CANX: variants seen among roughly 807,000 people sequenced by gnomAD.
CANX encodes the protein calnexin, also known as epididymis secretory sperm binding protein.
A neutral mutation model predicts 75.7 loss-of-function variants in CANX; 14 were observed. That is an observed-to-expected ratio of 0.19 (90% confidence interval 0.12 to 0.29). CANX has a LOEUF of 0.29. Ranked by LOEUF, CANX falls within the 10% of genes least tolerant of loss-of-function variation. The pLI, the probability that CANX is intolerant of heterozygous loss-of-function variation, is 1.00. For synonymous variants in CANX, 227 were observed against 236.9 expected (o/e 0.96, Z 0.38); for missense variants, 567 against 713.2 (o/e 0.79, Z 2.34).
At chr5:179,713,384 G>A (rs1777712992) in intron 7 of CANX, among the ~76,000 whole-genome samples, 1 of 152,024 alleles carries the variant, frequency 6.6e-6, no homozygotes, top group African/African-American at 2.4e-5. Context: ...ACCTTTTTTT[G>A]TTATTTCCAA....
intron 6 of CANX, among the ~76,000 whole-genome samples, chr5:179,709,289 C>G (rs1373478543): frequency 1.3e-5 from 2 of 152,084 alleles, no homozygotes; most frequent in African/African-American, 4.8e-5. Flanking sequence ...TGGCAGGCGC[C>G]TGTAGTCCCA....
chr5:179,726,732 G>C lies in CANX; in HGVS notation c.1698G>C (p.Glu566Asp). 6.2e-7 allele frequency: 1 copy of C among 1,613,588 alleles called. No individual in the cohort carries two copies. Among genetic ancestry groups the C allele is most frequent in the South Asian group, 1.1e-5 (1 of 91,076 alleles). The change falls in exon 14 of 15, where the codon GAG becomes GAC. Residue 566 changes from glutamate to aspartate, a missense_variant. This residue lies in a region of CANX where 167 missense variants were observed against 179.3 expected (regional missense o/e 0.93). Coordinates refer to ENST00000247461, the MANE Select transcript of CANX (RefSeq NM_001746.4). ...AEEDGGTVSQ[E>D]EEDRKPKAEE... ...AAGATGGTGGCACTGTCAGTCAAGA[G>C]GAGGAAGACAGAAAACCTAAAGCAG...
chr5:179,717,965 C>T (rs112770840), intron 8 of CANX, among the ~76,000 whole-genome samples: 2,249 of 152,278 alleles, frequency 0.015, 77 homozygotes, highest in African/African-American at 0.052. Flanking sequence ...ATCTACCCGC[C>T]TCAGCCTCCC....
At chr5:179,684,213 G>C (rs1285130639) in intron 1 of CANX, among the ~76,000 whole-genome samples, 1 of 152,046 alleles carries the variant, frequency 6.6e-6, no homozygotes, top group Admixed American at 6.6e-5. Context: ...ACTTGGTTTG[G>C]TAAACCTTCA....
At chr5:179,723,134 A>T in intron 11 of CANX, 115 bp downstream of exon 11, 1 of 826,852 alleles carries the variant, frequency 1.2e-6, no homozygotes, top group Non-Finnish European at 2.0e-6. Context: ...AAAAAGTATA[A>T]CCATATGCCT....
At chr5:179,707,540 C>G (rs759846580) in intron 4 of CANX, among the ~76,000 whole-genome samples, 1 of 146,838 alleles carries the variant, frequency 6.8e-6, no homozygotes, top group African/African-American at 2.5e-5. Context: ...GCCGAGAACG[C>G]GCCACTGCAC....
Position 179,680,813 on chromosome 5 carries a change from G to A in CANX, c.-4+2036G>A, listed in dbSNP as rs1194266342. 23 of 1,376,276 alleles carry A rather than the reference G, an allele frequency of 1.7e-5. 1 individual carries two copies. Among genetic ancestry groups the A allele is most frequent in the South Asian group, 5.0e-5 (4 of 80,478 alleles). 85.3% of individuals were successfully genotyped at this position (1,376,276 alleles called of 1,614,324 possible). A position where few individuals can be genotyped will look rare whatever the true frequency, so the allele number is the denominator to read the frequency against. The stretch of plus-strand genomic sequence containing the variant: ...GCAGGGTTCCCTCTGTTATGCCTTC[G>A]TTAATTCATAATACACTTATCCCTC... On this transcript the variant is annotated intron_variant, in intron 1 of 14. Transcript: ENST00000681674.
intron 8 of CANX, 73 bp downstream of exon 8, chr5:179,716,367 G>A: frequency 1.9e-6 from 2 of 1,074,404 alleles, no homozygotes; most frequent in Middle Eastern, 3.0e-4. Context: ...ACAACGAAAT[G>A]TTGGTTGAGT....
At chr5:179,721,645 G>A (rs1447571999) in intron 10 of CANX, among the ~76,000 whole-genome samples, 9 of 152,142 alleles carry the variant, frequency 5.9e-5, no homozygotes, top group Admixed American at 5.9e-4. Context: ...GAGATGGTAA[G>A]GATACAAGTA....
intron 1 of CANX, among the ~76,000 whole-genome samples, chr5:179,683,548 T>A (rs1469081610): frequency 6.6e-6 from 1 of 152,066 alleles, no homozygotes; most frequent in Non-Finnish European, 1.5e-5. Context: ...TTTTTTTCTT[T>A]TTTTGAGAGG....
intron 6 of CANX, 60 bp downstream of exon 6, chr5:179,709,119 T>G: frequency 3.8e-6 from 4 of 1,055,084 alleles, no homozygotes; most frequent in Non-Finnish European, 6.0e-6. Context: ...GTAAGAATTT[T>G]GTAATTGGGC....
At chr5:179,722,496 C>G (rs564804042) in intron 10 of CANX, among the ~76,000 whole-genome samples, 1 of 152,180 alleles carries the variant, frequency 6.6e-6, no homozygotes. Context: ...CTGACTTATG[C>G]TCCCACTCTC....
intron 1 of CANX, among the ~76,000 whole-genome samples, chr5:179,686,211 C>T (rs1373419156): frequency 2.0e-5 from 3 of 150,536 alleles, no homozygotes; most frequent in African/African-American, 7.4e-5. Flanking sequence ...AATTCTCCTG[C>T]CTCAGCCTCC....
intron 1 of CANX, among the ~76,000 whole-genome samples, chr5:179,684,926 A>ATTTTTTTTTTTTTTTTTTTTTTTT (rs71001039): frequency 4.1e-5 from 2 of 49,138 alleles, no homozygotes; most frequent in Non-Finnish European, 6.9e-5. Flanking sequence ...CTAATTTTGT[A>ATTTTTTTTTTTTTTTTTTTTTTTT]TTTTTTTTTT....
At chr5:179,690,213 G>A (rs1377614505) in intron 1 of CANX, among the ~76,000 whole-genome samples, 1 of 152,196 alleles carries the variant, frequency 6.6e-6, no homozygotes, top group Non-Finnish European at 1.5e-5. Flanking sequence ...TCTGGCTTCT[G>A]TGATAGTCTG....
chr5:179,708,742 T>G (rs1283348765), intron 5 of CANX, among the ~76,000 whole-genome samples: 1 of 152,224 alleles, frequency 6.6e-6, no homozygotes, highest in African/African-American at 2.4e-5. Flanking sequence ...TCTAAATAAC[T>G]TGTAGATTTT....
At chr5:179,707,961 C>T (rs762817552) in intron 4 of CANX, among the ~76,000 whole-genome samples, 5 of 152,038 alleles carry the variant, frequency 3.3e-5, no homozygotes, top group Admixed American at 6.6e-5. Flanking sequence ...CTCAGCCTAC[C>T]GAGTAGTTGG....
At chr5:179,693,285 A>G (rs909415290) in intron 1 of CANX, among the ~76,000 whole-genome samples, 2 of 152,190 alleles carry the variant, frequency 1.3e-5, no homozygotes, top group African/African-American at 2.4e-5. Context: ...CACACCTGTA[A>G]TATCAGCACT....
chr5:179,728,653 TA>T lies in CANX; in HGVS notation c.*11del, dbSNP rs1348661098. On this transcript the variant is annotated 3_prime_UTR_variant, in exon 15 of 15. Coordinates refer to ENST00000247461, the MANE Select transcript of CANX (RefSeq NM_001746.4). ...AGCCACGAAGAGAGTGAAACAATCTTAAGAGCTTGATCTGTGATTTCTTCTC... is the reference window on the plus strand; with the variant it reads ...AGCCACGAAGAGAGTGAAACAATCTTAGAGCTTGATCTGTGATTTCTTCTC... 2 of 1,601,234 alleles carry T rather than the reference TA, an allele frequency of 1.2e-6. No homozygotes were observed. The highest frequency in any genetic ancestry group is 3.3e-5 in the Admixed American group (2 of 59,988).
Sources: gnomAD v4.1 joint callset for allele counts (sites outside exome capture counted in the v4.1 genomes callset) on GRCh38, gnomAD v4.1.1 for gene constraint, gnomAD v4.1.1 regional missense constraint, MANE v1.5 for transcripts, NCBI Gene and HGNC (gene_info 2026-07-23, HGNC 2026-07-21) for gene names.